PDZRN4: variants seen among roughly 807,000 people sequenced by gnomAD.
PDZRN4 encodes PDZ domain-containing RING finger protein 4.
In PDZRN4, 70 loss-of-function variants were observed where a neutral mutation model predicts 99.0. The ratio of observed to expected loss-of-function variants is 0.71; its 90% CI spans 0.58 to 0.86. The LOEUF is 0.86. Ranked by LOEUF, PDZRN4 falls within the 40% of genes least tolerant of loss-of-function variation. The pLI is 0.00. For missense variants in PDZRN4, 1,474 were observed against 1,331.2 expected (o/e 1.11, Z -1.67); for synonymous variants, 551 against 501.6 (o/e 1.10, Z -1.32).
At chr12:41,211,526 T>G (rs1359924430) in intron 3 of PDZRN4, among the ~76,000 whole-genome samples, 3 of 151,996 alleles carry the variant, frequency 2.0e-5, no homozygotes, top group Non-Finnish European at 4.4e-5. Flanking sequence ...GCTCATGTAT[T>G]ATCATTAGCA....
intron 3 of PDZRN4, among the ~76,000 whole-genome samples, chr12:41,241,024 TC>T (rs1310938556): frequency 6.6e-6 from 1 of 151,986 alleles, no homozygotes; most frequent in Non-Finnish European, 1.5e-5. Flanking sequence ...ATTTTGCTCC[TC>T]CCCCCTCCCA....
chr12:41,403,315 C>T (rs1301451661), intron 3 of PDZRN4, among the ~76,000 whole-genome samples: 1 of 152,084 alleles, frequency 6.6e-6, no homozygotes, highest in Non-Finnish European at 1.5e-5. Flanking sequence ...ATCATAACTT[C>T]AATTGTAAAA....
At chr12:41,328,980 T>C (rs2120988601) in intron 3 of PDZRN4, among the ~76,000 whole-genome samples, 1 of 152,220 alleles carries the variant, frequency 6.6e-6, no homozygotes, top group East Asian at 1.9e-4. Context: ...CTTAAACAAA[T>C]TTGGGCACTA....
At position 41,225,271 on chromosome 12, in the gene PDZRN4, GTC is replaced by G. The variant is rs78491865; in HGVS notation, c.843+31085_843+31086del. ...CTAAATAAAGATAGCTGTAATTTCA[GTC>G]TATAAACAGGAAGAATAATATCTTA... On this transcript the variant is annotated intron_variant, in intron 3 of 9. Coordinates refer to ENST00000402685, the MANE Select transcript of PDZRN4 (RefSeq NM_001164595.2). Among the ~76,000 whole-genome samples the G allele has an allele frequency of 6.6e-4, 100 of 152,128 alleles. 3 individuals carry two copies. In the East Asian group the frequency reaches 0.016, roughly 24 times the overall value.
At chr12:41,459,014 CAGAGTTCAAAGGAG>C (rs1396793818) in intron 3 of PDZRN4, among the ~76,000 whole-genome samples, 1 of 35,686 alleles carries the variant, frequency 2.8e-5, no homozygotes, top group Non-Finnish European at 5.3e-5. Context: ...GGTTTGAGAT[CAGAGTTCAAAGGAG>C]GAATTAGGTT....
intron 3 of PDZRN4, among the ~76,000 whole-genome samples, chr12:41,434,618 A>T (rs1381997867): frequency 1.3e-5 from 2 of 152,212 alleles, no homozygotes; most frequent in Non-Finnish European, 2.9e-5. Context: ...TTAGCCTCTT[A>T]TACGTCAGTC....
intron 3 of PDZRN4, among the ~76,000 whole-genome samples, chr12:41,425,065 A>T (rs1401860856): frequency 6.6e-6 from 1 of 152,178 alleles, no homozygotes; most frequent in Non-Finnish European, 1.5e-5. Context: ...ACAACATATG[A>T]TTAAAAAATA....
At chr12:41,265,708 A>G (rs1392771246) in intron 3 of PDZRN4, among the ~76,000 whole-genome samples, 1 of 152,234 alleles carries the variant, frequency 6.6e-6, no homozygotes, top group Admixed American at 6.5e-5. Context: ...AGCCAGATGC[A>G]TGTACCACTT....
intron 5 of PDZRN4, among the ~76,000 whole-genome samples, chr12:41,529,172 T>C (rs570760559): frequency 6.0e-4 from 91 of 152,172 alleles, no homozygotes; most frequent in Admixed American, 1.7e-3. Context: ...GACTGAGCTT[T>C]CTAGGGCTGG....
intron 3 of PDZRN4, among the ~76,000 whole-genome samples, chr12:41,216,118 A>G (rs980136963): frequency 1.3e-5 from 2 of 152,002 alleles, no homozygotes; most frequent in African/African-American, 4.8e-5. Flanking sequence ...TAAAATTTTA[A>G]CTAATAGGTG....
chr12:41,456,352 A>T (rs3046953), intron 3 of PDZRN4, among the ~76,000 whole-genome samples: 78,040 of 151,298 alleles, frequency 0.52, 20,636 homozygotes, highest in African/African-American at 0.65. Context: ...ATGGTTGTTT[A>T]TTCTTTTAGA....
At chr12:41,283,696 TG>T (rs1259505828) in intron 3 of PDZRN4, among the ~76,000 whole-genome samples, 3 of 152,134 alleles carry the variant, frequency 2.0e-5, no homozygotes, top group African/African-American at 2.4e-5. Context: ...GATGCAAGGC[TG>T]GTTCAACATA....
At chr12:41,290,279 A>G (rs1036041983) in intron 3 of PDZRN4, among the ~76,000 whole-genome samples, 3 of 152,242 alleles carry the variant, frequency 2.0e-5, no homozygotes, top group African/African-American at 7.2e-5. Flanking sequence ...TATGTTTAAT[A>G]GGGAATTTTA....
chr12:41,316,646 C>T (rs573441409), intron 3 of PDZRN4, among the ~76,000 whole-genome samples: 4 of 151,830 alleles, frequency 2.6e-5, no homozygotes, highest in Non-Finnish European at 5.9e-5. Flanking sequence ...TCACGAGTAC[C>T]CATGTTTGTA....
intron 3 of PDZRN4, among the ~76,000 whole-genome samples, chr12:41,323,670 A>C (rs1164417523): frequency 6.6e-6 from 1 of 151,996 alleles, no homozygotes; most frequent in Non-Finnish European, 1.5e-5. Context: ...TTATCCAAAA[A>C]GTATGTCACT....
At chr12:41,357,290 T>C (rs948083982) in intron 3 of PDZRN4, among the ~76,000 whole-genome samples, 18 of 151,912 alleles carry the variant, frequency 1.2e-4, no homozygotes, top group Non-Finnish European at 2.2e-4. Context: ...CCTATGCTAC[T>C]TGCTAGCAAT....
At chr12:41,480,950 A>C (rs1488962196) in intron 3 of PDZRN4, among the ~76,000 whole-genome samples, 1 of 151,768 alleles carries the variant, frequency 6.6e-6, no homozygotes, top group African/African-American at 2.4e-5. Flanking sequence ...TATAAAAGCC[A>C]AAACAAAGCC....
chr12:41,511,908 C>A (rs555785424), intron 5 of PDZRN4, among the ~76,000 whole-genome samples: 97 of 152,234 alleles, frequency 6.4e-4, no homozygotes, highest in African/African-American at 1.8e-3. Flanking sequence ...TAGAAGCAGA[C>A]TGATCTGGTG....
At chr12:41,382,438 G>A (rs957943822) in intron 3 of PDZRN4, among the ~76,000 whole-genome samples, 40 of 152,162 alleles carry the variant, frequency 2.6e-4, no homozygotes, top group African/African-American at 9.7e-4. Context: ...CTTTTCTGGA[G>A]TATAAGTTCT....
Sources: gnomAD v4.1 joint callset for allele counts (sites outside exome capture counted in the v4.1 genomes callset) on GRCh38, gnomAD v4.1.1 for gene constraint, MANE v1.5 for transcripts, NCBI Gene and HGNC (gene_info 2026-07-23, HGNC 2026-07-21) for gene names.